Variants in UBE2G1 observed in about 807,000 individuals in gnomAD.
UBE2G1 encodes the protein ubiquitin-conjugating enzyme E2 G1.
In UBE2G1, 5 loss-of-function variants were observed where a neutral mutation model predicts 22.7. That is an observed-to-expected ratio of 0.22 (90% confidence interval 0.12 to 0.46). The LOEUF is 0.46. Among genes scored for constraint, UBE2G1 ranks in the 20% least tolerant of loss-of-function variants. The pLI is 0.99. For synonymous variants in UBE2G1, 74 were observed against 67.5 expected (o/e 1.10, Z -0.47); for missense variants, 88 against 203.9 (o/e 0.43, Z 3.46).
rs116837153 is a variant in UBE2G1 at position 4,288,039 on chromosome 17, T to A, written c.426+1191A>T. Among the ~76,000 whole-genome samples, 1,175 of 152,318 alleles carry A rather than the reference T, an allele frequency of 7.7e-3. 19 individuals carry two copies. Among genetic ancestry groups the A allele is most frequent in the African/African-American group, 0.025 (1,058 of 41,574 alleles). ...GACAGCCTTGTTCTTAGGGAACAGATCCTGAAACATTTTGGGGTGAAGGGT... is the reference window on the plus strand; with the variant it reads ...GACAGCCTTGTTCTTAGGGAACAGAACCTGAAACATTTTGGGGTGAAGGGT... On this transcript the variant is annotated intron_variant, in intron 4 of 5. Coordinates refer to ENST00000396981, the MANE Select transcript of UBE2G1 (RefSeq NM_003342.5).
At chr17:4,286,743 C>A (rs1968968302) in intron 4 of UBE2G1, among the ~76,000 whole-genome samples, 1 of 152,030 alleles carries the variant, frequency 6.6e-6, no homozygotes, top group African/African-American at 2.4e-5. Flanking sequence ...TTAATTTACT[C>A]TTCTTTAAGA....
chr17:4,293,536 TC>T (rs1969069038), intron 3 of UBE2G1, among the ~76,000 whole-genome samples: 1 of 152,194 alleles, frequency 6.6e-6, no homozygotes, highest in Non-Finnish European at 1.5e-5. Context: ...TTGGTTAGGT[TC>T]CTAGGATGGA....
chr17:4,357,361 G>C (rs1653327983), intron 1 of UBE2G1, among the ~76,000 whole-genome samples: 1 of 151,858 alleles, frequency 6.6e-6, no homozygotes, highest in Admixed American at 6.6e-5. Context: ...TCCTATCATA[G>C]GTATGCATAT....
chr17:4,284,803 ATTTCTT>A lies in UBE2G1; in HGVS notation c.427-1888_427-1883del, dbSNP rs76860823. On this transcript the variant is annotated intron_variant, in intron 4 of 5. Transcript: ENST00000396981. ...TTGTTTTTTTCCCCCCGAGACTGTC[ATTTCTT>A]TTTCTTTTTCTTTTCTTTTCTTTTC... 4.6e-3 allele frequency among the ~76,000 whole-genome samples: 591 copies of A among 127,520 alleles called. 267 individuals carry two copies. The highest frequency in any genetic ancestry group is 6.5e-3 in the East Asian group (30 of 4,600). 83.7% of individuals were successfully genotyped at this position (127,520 alleles called of 152,430 possible).
chr17:4,286,525 T>C (rs1053265558), intron 4 of UBE2G1, among the ~76,000 whole-genome samples: 1 of 151,862 alleles, frequency 6.6e-6, no homozygotes, highest in Non-Finnish European at 1.5e-5. Context: ...AAAAAAGGAA[T>C]AGATTTTGCA....
At chr17:4,286,380 G>C (rs1404203996) in intron 4 of UBE2G1, among the ~76,000 whole-genome samples, 6 of 146,736 alleles carry the variant, frequency 4.1e-5, no homozygotes, top group Admixed American at 6.9e-5. Context: ...ACCCCAGCCT[G>C]AGTAACAGAG....
At chr17:4,287,758 G>C (rs1207155820) in intron 4 of UBE2G1, among the ~76,000 whole-genome samples, 1 of 152,034 alleles carries the variant, frequency 6.6e-6, no homozygotes, top group South Asian at 2.1e-4. Flanking sequence ...AGAAAAAAAG[G>C]CTTTTCAAAG....
intron 1 of UBE2G1, among the ~76,000 whole-genome samples, chr17:4,363,844 C>T (rs1405252811): frequency 6.9e-6 from 1 of 145,442 alleles, no homozygotes; most frequent in Non-Finnish European, 1.5e-5. Context: ...CCCAGCTACT[C>T]GGGAAGCTCA....
At chr17:4,276,809 C>G (rs1968826625) in intron 5 of UBE2G1, among the ~76,000 whole-genome samples, 1 of 152,148 alleles carries the variant, frequency 6.6e-6, no homozygotes, top group African/African-American at 2.4e-5. Context: ...CAAGCTTAGA[C>G]AAAGGGAGAA....
intron 1 of UBE2G1, among the ~76,000 whole-genome samples, chr17:4,360,643 G>C (rs994059186): frequency 6.6e-6 from 1 of 152,254 alleles, no homozygotes; most frequent in African/African-American, 2.4e-5. Context: ...CCGGCGCAGT[G>C]GCTCACGCCT....
chr17:4,365,797 C>G (rs1036285006), intron 1 of UBE2G1, among the ~76,000 whole-genome samples: 3 of 152,208 alleles, frequency 2.0e-5, no homozygotes, highest in African/African-American at 7.2e-5. Context: ...TTGTGCGCCT[C>G]ACCTATCCCG....
At chr17:4,300,790 C>T (rs2143718910) in intron 2 of UBE2G1, among the ~76,000 whole-genome samples, 1 of 151,482 alleles carries the variant, frequency 6.6e-6, no homozygotes, top group South Asian at 2.1e-4. Flanking sequence ...TGGTGAAATC[C>T]CATCTCTACT....
chr17:4,352,564 G>A (rs1391819498), intron 1 of UBE2G1, among the ~76,000 whole-genome samples: 1 of 152,156 alleles, frequency 6.6e-6, no homozygotes, highest in Non-Finnish European at 1.5e-5. Context: ...TCAGAGATGT[G>A]GGAGGAAAAG....
At position 4,366,055 on chromosome 17, in the gene UBE2G1, C is replaced by T. The variant is rs1030235383; in HGVS notation, c.46+216G>A. 1.8e-3 allele frequency among the ~76,000 whole-genome samples: 273 copies of T among 152,250 alleles called. 1 individual carries two copies. Among genetic ancestry groups the T allele is most frequent in the Non-Finnish European group, 3.3e-3 (226 of 67,982 alleles). On this transcript the variant is annotated intron_variant, in intron 1 of 5. Transcript: ENST00000396981. Reference sequence around the variant, plus strand: ...ACCCCCCGGGCGCCAGGCCCAGTCCCTGGGCCGGAGCTGGGTCGCGTCCCC... The same window carrying T: ...ACCCCCCGGGCGCCAGGCCCAGTCCTTGGGCCGGAGCTGGGTCGCGTCCCC...
intron 1 of UBE2G1, among the ~76,000 whole-genome samples, chr17:4,326,158 CA>C (rs752681478): frequency 4.6e-4 from 70 of 151,776 alleles, no homozygotes; most frequent in Non-Finnish European, 8.2e-4. Context: ...AAGCAACCCC[CA>C]AAAAAATGGG....
In UBE2G1 at chr17:4,274,346, T is replaced by C. The variant is rs574765009; in HGVS notation, c.*38-1830A>G. Among the ~76,000 whole-genome samples, 489 of 151,836 alleles carry C rather than the reference T, an allele frequency of 3.2e-3. 2 individuals carry two copies. The highest frequency in any genetic ancestry group is 4.9e-3 in the Non-Finnish European group (333 of 67,876). On this transcript the variant is annotated intron_variant, in intron 5 of 5. Coordinates refer to ENST00000396981, the MANE Select transcript of UBE2G1 (RefSeq NM_003342.5). ...CCGAGTAGCTGGGAATACAGGCGCC[T>C]GCCACCATGCCCGGCTAATTTTTTG...
intron 1 of UBE2G1, among the ~76,000 whole-genome samples, chr17:4,362,865 G>A (rs1461180533): frequency 6.6e-6 from 1 of 152,128 alleles, no homozygotes; most frequent in Admixed American, 6.6e-5. Flanking sequence ...GCTCACACTT[G>A]TAATTCCAGC....
chr17:4,298,413 T>C (rs1969135742), intron 2 of UBE2G1, among the ~76,000 whole-genome samples: 1 of 152,232 alleles, frequency 6.6e-6, no homozygotes. Context: ...ATAACAATAG[T>C]TAACTAACAA....
At chr17:4,342,593 A>G (rs1969723767) in intron 1 of UBE2G1, among the ~76,000 whole-genome samples, 1 of 152,174 alleles carries the variant, frequency 6.6e-6, no homozygotes, top group African/African-American at 2.4e-5. Flanking sequence ...AGAAAAAGAA[A>G]AGAATTCTAT....
Sources: gnomAD v4.1 joint callset for allele counts (sites outside exome capture counted in the v4.1 genomes callset) on GRCh38, gnomAD v4.1.1 for gene constraint, MANE v1.5 for transcripts, NCBI Gene and HGNC (gene_info 2026-07-23, HGNC 2026-07-21) for gene names.